Variants in COL16A1 observed in about 807,000 individuals in gnomAD.
COL16A1 encodes collagen alpha-1(XVI) chain.
Under a neutral mutation model 266.3 loss-of-function variants are expected in COL16A1, and 189 were observed. That is an observed-to-expected ratio of 0.71 (90% CI 0.63 to 0.80). The LOEUF is 0.80. Ranked by LOEUF, COL16A1 falls within the 30% of genes least tolerant of loss-of-function variation. The pLI is 0.00. For missense variants in COL16A1, 1,928 were observed against 2,122.4 expected, an observed-to-expected ratio of 0.91 and a Z score of 1.80; for synonymous variants, 740 against 782.3, an observed-to-expected ratio of 0.95 and a Z score of 0.90.
chr1:31,702,169 G>T lies in COL16A1; in HGVS notation c.25C>A (p.Leu9Met), dbSNP rs760240207. 6.2e-7 allele frequency: 1 copy of T among 1,614,178 alleles called. No homozygotes were observed. The highest frequency in any genetic ancestry group is 1.7e-5 in the Admixed American group (1 of 60,028). Reference protein sequence around the residue: MWVSWAPGLWLLGLWATFG... With the variant: MWVSWAPGMWLLGLWATFG... ...GTAGCCCAAAGACCGAGCAGCCACA[G>T]GCCAGGAGCCCAGGATACCCACATC... is the stretch of plus-strand genomic sequence containing the variant. The change falls in exon 2 of 71, where the codon CTG (leucine) becomes ATG (methionine). Residue 9 changes from leucine (L) to methionine (M), a missense_variant. Leu to Met is a conservative substitution (Grantham distance 15). Around this residue, in one of 2 missense-constraint regions of COL16A1, gnomAD observed 1,552 missense variants for 1,637.2 expected, o/e 0.95. Transcript: ENST00000373672.
At chr1:31,678,057 T>A (rs1179393538) in intron 42 of COL16A1, among the ~76,000 whole-genome samples, 1 of 151,880 alleles carries the variant, frequency 6.6e-6, no homozygotes. Flanking sequence ...TGGCTGCAAA[T>A]ATGTGGCGTG....
chr1:31,687,119 C>T (rs60569660), intron 26 of COL16A1, among the ~76,000 whole-genome samples: 2,675 of 152,270 alleles, frequency 0.018, 84 homozygotes, highest in African/African-American at 0.059. Context: ...CGATGGCTCA[C>T]GCCTGTAATC....
In COL16A1 at chr1:31,698,604, C is replaced by T. The variant is rs200036987; in HGVS notation, c.269G>A (p.Arg90Lys). Reference protein sequence around the residue: ...GAAPVTQPTRRVFPRGLPEEF... With the variant: ...GAAPVTQPTRKVFPRGLPEEF... ...CTCCGGGAGACCCCGAGGGAATACT[C>T]TTCTGGAGATGGAGCAGGGAGGGTG... The change falls in exon 5 of 71, where the codon AGA becomes AAA. Residue 90 changes from arginine to lysine, a missense_variant and splice_region_variant. By Grantham distance (26) the Arg-to-Lys change is conservative. Transcript: ENST00000373672. This position sits in a 1 kb window ranked among gnomAD's most constrained non-coding sequence, Gnocchi z 4.1. 7.6e-5 allele frequency: 122 copies of T among 1,613,734 alleles called. No homozygotes were observed. The highest frequency in any genetic ancestry group is 2.5e-4 in the African/African-American group (19 of 75,000).
chr1:31,691,791 C>A, intron 17 of COL16A1, 149 bp from the exon 18 acceptor site: 1 of 1,217,022 alleles, frequency 8.2e-7, no homozygotes, highest in Non-Finnish European at 1.1e-6. Context: ...CACATGTCAA[C>A]CTTATGGTGT....
rs1208581346 is a variant in COL16A1, at chr1:31,684,156, G to A, written c.2236C>T (p.Pro746Ser). ...DMAGRPGQPG[P>S]KGEQGPEGVG... is the part of the protein sequence containing the mutation. ...CCTTCGGGGCCCTGCTCTCCTTTGG[G>A]GCCGGGCTGCCCAGGCCGTCCTGCC... Residue 746 changes from proline (P) to serine (S), a missense_variant, in exon 32 of 71, where the codon CCC becomes TCC. By Grantham distance (74) the Pro-to-Ser change is moderately conservative (BLOSUM62 -1). Around this residue, in one of 2 missense-constraint regions of COL16A1, gnomAD observed 1,552 missense variants for 1,637.2 expected, o/e 0.95. Coordinates refer to ENST00000373672, the MANE Select transcript of COL16A1 (RefSeq NM_001856.4). 2.6e-6 allele frequency: 4 copies of A among 1,549,984 alleles called. No homozygotes were observed. The highest frequency in any genetic ancestry group is 3.5e-6 in the Non-Finnish European group (4 of 1,146,348).
chr1:31,660,490 C>A, intron 62 of COL16A1, 95 bp downstream of exon 62: 1 of 1,533,884 alleles, frequency 6.5e-7, no homozygotes. Flanking sequence ...GCCCCTATGG[C>A]AAGTTCTCTC....
chr1:31,679,835 C>T lies in COL16A1; in HGVS notation c.2687G>A (p.Trp896Ter). The change falls in exon 41 of 71, where the codon TGG (tryptophan) becomes TAG (stop). Residue 896 changes from tryptophan (W) to a stop codon, truncating the protein, a stop_gained. Coordinates refer to ENST00000373672, the MANE Select transcript of COL16A1 (RefSeq NM_001856.4). LOFTEE classifies it high-confidence loss of function. Reference protein sequence around the residue: ...FSGMPGAPGLWMGSSWQPGPQ... With the variant: ...FSGMPGAPGL ...GCCCGGCTGCCAGGAGCTGCCCATCCAAAGTCCCGGAGCACCCTGGGTGGG... is the reference window on the plus strand; with the variant it reads ...GCCCGGCTGCCAGGAGCTGCCCATCTAAAGTCCCGGAGCACCCTGGGTGGG... The T allele has an allele frequency of 6.5e-7, 1 of 1,534,962 alleles. No homozygotes were observed. Among genetic ancestry groups the T allele is most frequent in the South Asian group, 1.3e-5 (1 of 78,874 alleles).
Position 31,656,202 on chromosome 1 carries a change from G to A in COL16A1, c.4101+198C>T. The A allele has an allele frequency of 2.5e-6, 2 of 790,958 alleles. No individual in the cohort carries two copies. Among genetic ancestry groups the A allele is most frequent in the Non-Finnish European group, 2.0e-6 (1 of 498,710 alleles). 49.0% of individuals were successfully genotyped at this position (790,958 alleles called of 1,614,324 possible). A position where few individuals can be genotyped will look rare whatever the true frequency, so the allele number is the denominator to read the frequency against. On this transcript the variant is annotated intron_variant, in intron 66 of 70. Transcript: ENST00000373672. The surrounding 1 kb of genome is among the most constrained non-coding windows in gnomAD (Gnocchi z 4.2). ...AGTCAATCAGTGAGTAAATGAACTG[G>A]AGATTTCCTTCCCCCCAACCACAGC...
At position 31,700,105 on chromosome 1, in the gene COL16A1, G is replaced by C; in HGVS notation, c.84C>G (p.Cys28Trp). The change falls in exon 3 of 71, where the codon TGC becomes TGG. Residue 28 changes from cysteine to tryptophan, a missense_variant. Cys to Trp is a radical substitution (Grantham distance 215, BLOSUM62 -2). This residue lies in a region of COL16A1 where 1,552 missense variants were observed against 1,637.2 expected (regional missense o/e 0.95). Transcript: ENST00000373672. ...FGHGANTGAQ[C>W]PPSQQEGLKL... ...TGAGTCCTTCCTGCTGTGAAGGTGG[G>C]CATTGTGCACCTAGAAGAGAAGGGG... The C allele has an allele frequency of 1.2e-6, 2 of 1,614,178 alleles. No individual in the cohort carries two copies. Among genetic ancestry groups the C allele is most frequent in the Non-Finnish European group, 1.7e-6 (2 of 1,180,012 alleles).
In COL16A1 at chr1:31,698,857, G is replaced by A. The variant is rs1644609862; in HGVS notation, c.267-251C>T. On this transcript the variant is annotated intron_variant, in intron 4 of 70. Coordinates refer to ENST00000373672, the MANE Select transcript of COL16A1 (RefSeq NM_001856.4). This position sits in a 1 kb window ranked among gnomAD's most constrained non-coding sequence, Gnocchi z 4.1. ...GCCTGTAATCCCAGCACTTTGGGAG[G>A]CCGAGGTGGGCGGATCACCTGAGGC... 1.3e-5 allele frequency among the ~76,000 whole-genome samples: 2 copies of A among 152,220 alleles called. No individual in the cohort carries two copies. Among genetic ancestry groups the A allele is most frequent in the South Asian group, 2.1e-4 (1 of 4,836 alleles).
Position 31,684,111 on chromosome 1 carries a change from G to C in COL16A1, c.2281C>G (p.Pro761Ala). 1 of 1,591,192 alleles carries C rather than the reference G, an allele frequency of 6.3e-7. No homozygotes were observed. The highest frequency in any genetic ancestry group is 8.6e-7 in the Non-Finnish European group (1 of 1,167,796). ...GGGCCGGAGGGCAGGCAACTCACGG[G>C]TTTACCAGGTCGGCCCACGCCTTCG... ...GPEGVGRPGK[P>A]GQPGLPGVQG... Residue 761 changes from proline (P) to alanine (A), a missense_variant and splice_region_variant, in exon 32 of 71, where the codon CCC becomes GCC. Around this residue, in one of 2 missense-constraint regions of COL16A1, gnomAD observed 1,552 missense variants for 1,637.2 expected, o/e 0.95. Transcript: ENST00000373672.
chr1:31,668,988 C>T lies in COL16A1; in HGVS notation c.3196-133G>A. Reference sequence around the variant, plus strand: ...GAGGCCATAGTGGCTCTCGTAGTGTCCCTAGAAGGTGACCCGTAATGGGTG... The same window carrying T: ...GAGGCCATAGTGGCTCTCGTAGTGTTCCTAGAAGGTGACCCGTAATGGGTG... On this transcript the variant is annotated intron_variant, in intron 49 of 70. Coordinates refer to ENST00000373672, the MANE Select transcript of COL16A1 (RefSeq NM_001856.4). The surrounding 1 kb of genome is among the most constrained non-coding windows in gnomAD (Gnocchi z 5.8). 1 of 746,654 alleles carries T rather than the reference C, an allele frequency of 1.3e-6. No individual in the cohort carries two copies. The highest frequency in any genetic ancestry group is 2.2e-6 in the Non-Finnish European group (1 of 464,094). The allele number at this position is 746,654 out of a possible 1,614,324, so 46.3% of individuals were successfully genotyped here.
At chr1:31,662,451 G>T in intron 57 of COL16A1, 64 bp from the exon 58 acceptor site, 2 of 1,580,826 alleles carry the variant, frequency 1.3e-6, no homozygotes, top group Non-Finnish European at 1.7e-6. Flanking sequence ...GGGAGGCCTG[G>T]CCCAACCCCT....
At chr1:31,673,168 T>C (rs1441879007) in intron 44 of COL16A1, 2 of 395,280 alleles carry the variant, frequency 5.1e-6, no homozygotes, top group Non-Finnish European at 9.7e-6. Context: ...CTGCACCCAC[T>C]GCGAGGACAA....
chr1:31,693,575 C>T lies in COL16A1; in HGVS notation c.1009-421G>A, dbSNP rs373105180. Among the ~76,000 whole-genome samples the T allele has an allele frequency of 6.6e-5, 10 of 152,294 alleles. No individual in the cohort carries two copies. In the East Asian group the frequency reaches 1.9e-3, roughly 29 times the overall value. Reference sequence around the variant, plus strand: ...GCATGTCACTCAGAGCAGGTCATGTCGCCTTTCTGAGCCTCAGTTTCTTCA... The same window carrying T: ...GCATGTCACTCAGAGCAGGTCATGTTGCCTTTCTGAGCCTCAGTTTCTTCA... On this transcript the variant is annotated intron_variant, in intron 12 of 70. Transcript: ENST00000373672.
At position 31,653,692 on chromosome 1, in the gene COL16A1, TAA is replaced by T; in HGVS notation, c.4535-18_4535-17del. The T allele has an allele frequency of 6.2e-7, 1 of 1,610,552 alleles. No homozygotes were observed. The highest frequency in any genetic ancestry group is 1.1e-5 in the South Asian group (1 of 90,794). On this transcript the variant is annotated splice_polypyrimidine_tract_variant and intron_variant, in intron 69 of 70. Transcript: ENST00000373672. Reference sequence around the variant, plus strand: ...CCAGGCAATCCTGGAACAAAAGAAATAAATAAGTCCTATCCCTGAGCAGAAAA... The same window carrying T: ...CCAGGCAATCCTGGAACAAAAGAAATATAAGTCCTATCCCTGAGCAGAAAA...
In COL16A1 at chr1:31,691,613, C is replaced by T; in HGVS notation, c.1287G>A (p.Gly429=). 3 of 1,613,808 alleles carry T rather than the reference C, an allele frequency of 1.9e-6. 1 individual carries two copies. The South Asian group carries it at 3.3e-5, about 18-fold the overall frequency. Reference sequence around the variant, plus strand: ...CACAACTCACCTTCTGCCCTTTGGGCCCAATGACACAGATCTCTCCTGGCC... The same window carrying T: ...CACAACTCACCTTCTGCCCTTTGGGTCCAATGACACAGATCTCTCCTGGCC... ...DGRPGEICVI[G]PKGQKGDPGF... is the part of the protein sequence containing the mutation. The change falls in exon 18 of 71, where the codon GGG becomes GGA. Residue 429 remains glycine, a synonymous_variant. Transcript: ENST00000373672.
intron 2 of COL16A1, among the ~76,000 whole-genome samples, chr1:31,701,061 G>C (rs1378196238): frequency 6.6e-6 from 1 of 152,168 alleles, no homozygotes; most frequent in African/African-American, 2.4e-5. Context: ...GGGAGAAGAC[G>C]GTGAAGACAG....
chr1:31,657,211 G>T lies in COL16A1; in HGVS notation c.4021-143C>A. ...CAGCCCTCACCCTCTGACAATCTGGGCACAGGCCGTGGAAACTTAGACCCC... is the reference window on the plus strand; with the variant it reads ...CAGCCCTCACCCTCTGACAATCTGGTCACAGGCCGTGGAAACTTAGACCCC... On this transcript the variant is annotated intron_variant, in intron 64 of 70. Transcript: ENST00000373672. This position sits in a 1 kb window ranked among gnomAD's most constrained non-coding sequence, Gnocchi z 6.4. The T allele has an allele frequency of 9.6e-7, 1 of 1,040,828 alleles. No individual in the cohort carries two copies. Among genetic ancestry groups the T allele is most frequent in the Non-Finnish European group, 1.5e-6 (1 of 687,504 alleles). The allele number at this position is 1,040,828 out of a possible 1,614,324, so 64.5% of individuals were successfully genotyped here.
Sources: allele counts gnomAD v4.1 joint callset (sites outside exome capture counted in the v4.1 genomes callset), GRCh38; gene constraint gnomAD v4.1.1; regional missense constraint gnomAD v4.1.1; non-coding constraint Gnocchi (gnomAD v3.1); transcripts MANE v1.5; gene names NCBI Gene and HGNC (gene_info 2026-07-23, HGNC 2026-07-21).